The following MFNG variants were observed in gnomAD, a reference collection of about 807,000 sequenced individuals.
The protein encoded by MFNG is beta-1,3-N-acetylglucosaminyltransferase manic fringe.
In MFNG, 24 loss-of-function variants were observed where a neutral mutation model predicts 34.2. That is an observed-to-expected ratio of 0.70 (90% CI 0.51 to 0.99). MFNG has a LOEUF of 0.99. MFNG is among the 50% of genes least tolerant of loss of function. The probability of loss-of-function intolerance (pLI) is 0.00; values close to 1 mark genes in which losing one functional copy is unlikely to be tolerated. For missense variants in MFNG, 383 were observed against 424.0 expected (o/e 0.90, Z 0.85); for synonymous variants, 158 against 179.2 (o/e 0.88, Z 0.94).
chr22:37,475,600 G>C (rs555417658), intron 5 of MFNG, among the ~76,000 whole-genome samples: 1 of 152,114 alleles, frequency 6.6e-6, no homozygotes, highest in South Asian at 2.1e-4. Context: ...TCAACTGGCC[G>C]CGTATACCCC....
In MFNG at chr22:37,473,882, G is replaced by A. The variant is rs182933650; in HGVS notation, c.813+630C>T. Among the ~76,000 whole-genome samples, 555 of 152,302 alleles carry A rather than the reference G, an allele frequency of 3.6e-3. 3 individuals are homozygous for A. Among genetic ancestry groups the A allele is most frequent in the Non-Finnish European group, 5.8e-3 (394 of 68,018 alleles). On this transcript the variant is annotated intron_variant, in intron 6 of 7. Transcript: ENST00000356998. ...GTCACACTGTTGGGCAGGAGATCCC[G>A]GGGACGCTCCCAGCCAGGACCATCT...
intron 4 of MFNG, 54 bp downstream of exon 4, chr22:37,479,291 C>G (rs934605633): frequency 6.7e-7 from 1 of 1,501,970 alleles, no homozygotes; most frequent in African/African-American, 1.4e-5. Context: ...CCAGGACCGG[C>G]CCGGCCCTTG....
chr22:37,473,104 T>C (rs1371046681), intron 6 of MFNG, among the ~76,000 whole-genome samples: 1 of 152,146 alleles, frequency 6.6e-6, no homozygotes, highest in Admixed American at 6.5e-5. Flanking sequence ...GGGATAATGT[T>C]AGTACTGACC....
intron 6 of MFNG, among the ~76,000 whole-genome samples, chr22:37,473,961 T>C (rs1262644591): frequency 6.6e-6 from 1 of 152,224 alleles, no homozygotes; most frequent in African/African-American, 2.4e-5. Context: ...CTGTATCACC[T>C]GCCAGGTGGT....
chr22:37,476,399 T>A (rs1922041570), intron 5 of MFNG, among the ~76,000 whole-genome samples: 1 of 152,074 alleles, frequency 6.6e-6, no homozygotes, highest in African/African-American at 2.4e-5. Flanking sequence ...CTCCCTTAGA[T>A]GGCCCAGTGT....
intron 1 of MFNG, chr22:37,484,347 C>T (rs1173333299): frequency 7.3e-6 from 1 of 136,522 alleles, no homozygotes; most frequent in Admixed American, 7.6e-5. Flanking sequence ...AACTGCGGGC[C>T]GAAAGGGGAG....
chr22:37,480,758 G>A lies in MFNG; in HGVS notation c.267C>T (p.Phe89=), dbSNP rs758646712. ...GGAGGCCTTTGTCTGGGCTGTCGGT[G>A]AAGACAAATGTCTAGGAAGGAGAAG... ...VSRTREQTFV[F]TDSPDKGLQE... is the part of the protein sequence containing the mutation. Residue 89 remains phenylalanine (F), a synonymous_variant, in exon 2 of 8, where the codon TTC becomes TTT. Coordinates refer to ENST00000356998, the MANE Select transcript of MFNG (RefSeq NM_002405.4). 1.4e-5 allele frequency: 22 copies of A among 1,613,498 alleles called. No individual in the cohort carries two copies. The South Asian group carries it at 1.5e-4, about 11-fold the overall frequency.
Position 37,479,376 on chromosome 22 carries a change from T to C in MFNG, c.530A>G (p.His177Arg), listed in dbSNP as rs758431344. The change falls in exon 4 of 8, where the codon CAT becomes CGT. Residue 177 changes from histidine to arginine, a missense_variant. By Grantham distance (29) the His-to-Arg change is conservative. Transcript: ENST00000356998. ...VGRPSLNRPI[H>R]ASEPQPHNRT... ...GTTGTGGGGCTGTGGCTCTGAGGCA[T>C]GGATGGGCCGGTTCAGGCTGGGCCT... 3 of 1,601,204 alleles carry C rather than the reference T, an allele frequency of 1.9e-6. No homozygotes were observed. Among genetic ancestry groups the C allele is most frequent in the East Asian group, 2.3e-5 (1 of 43,848 alleles).
intron 7 of MFNG, 37 bp downstream of exon 7, chr22:37,472,406 C>A (rs776020958): frequency 1.3e-6 from 2 of 1,491,184 alleles, no homozygotes; most frequent in East Asian, 2.5e-5. Flanking sequence ...ACTCAGCCCC[C>A]ACTCCTCCCA....
chr22:37,479,521 G>A (rs1922195020), intron 3 of MFNG, 23 bp from the exon 4 acceptor site: 1 of 1,607,722 alleles, frequency 6.2e-7, no homozygotes, highest in Non-Finnish European at 8.5e-7. Flanking sequence ...AACGGGGACA[G>A]TGAACTTGTT....
intron 4 of MFNG, among the ~76,000 whole-genome samples, chr22:37,478,451 T>C (rs551066466): frequency 6.6e-6 from 1 of 152,306 alleles, no homozygotes; most frequent in East Asian, 1.9e-4. Context: ...CTGGATGTAG[T>C]GGTTTTTCAT....
chr22:37,475,079 A>T (rs750668760), intron 5 of MFNG, among the ~76,000 whole-genome samples: 1 of 152,196 alleles, frequency 6.6e-6, no homozygotes, highest in Non-Finnish European at 1.5e-5. Flanking sequence ...AGCAGCCCCT[A>T]TTCTGGCGGG....
At chr22:37,476,353 G>A (rs1437950296) in intron 5 of MFNG, among the ~76,000 whole-genome samples, 1 of 151,504 alleles carries the variant, frequency 6.6e-6, no homozygotes, top group African/African-American at 2.4e-5. Context: ...AATATCACAG[G>A]ATGTACACCC....
Position 37,486,072 on chromosome 22 carries a change from G to T in MFNG, c.106C>A (p.Gln36Lys). The change falls in exon 1 of 8, where the codon CAA becomes AAA. Residue 36 changes from glutamine (Q) to lysine (K), a missense_variant. Coordinates refer to ENST00000356998, the MANE Select transcript of MFNG (RefSeq NM_002405.4). The stretch of plus-strand genomic sequence containing the variant: ...GGCTGGCTCAGCTCGGGGGTCCCTT[G>T]TACCCGCTGCGGGGACAGGTTCAAG... ...YHLNLSPQRV[Q>K]GTPELSQPNP... The T allele has an allele frequency of 1.2e-6, 2 of 1,613,660 alleles. No homozygotes were observed. The highest frequency in any genetic ancestry group is 2.2e-5 in the East Asian group (1 of 44,858).
chr22:37,472,555 G>T (rs779197326), intron 6 of MFNG, 27 bp from the exon 7 acceptor site: 38 of 1,559,924 alleles, frequency 2.4e-5, no homozygotes, highest in Non-Finnish European at 3.2e-5. Flanking sequence ...AAGAGTGTTG[G>T]GGCATCACAC....
rs540631417 is a variant in MFNG, at chr22:37,485,081, G to A, written c.255+842C>T. On this transcript the variant is annotated intron_variant, in intron 1 of 7. Transcript: ENST00000356998. The surrounding 1 kb of genome is among the most constrained non-coding windows in gnomAD (Gnocchi z 5.3). ...TAAGGAAGATACTGGATGCGAGGAG[G>A]GAAAGGGCTGGAAGGGACTTGGCTC... is the stretch of plus-strand genomic sequence containing the variant. 7.9e-4 allele frequency among the ~76,000 whole-genome samples: 120 copies of A among 152,234 alleles called. No homozygotes were observed. Among genetic ancestry groups the A allele is most frequent in the African/African-American group, 2.7e-3 (112 of 41,546 alleles).
intron 6 of MFNG, among the ~76,000 whole-genome samples, chr22:37,473,263 C>A (rs915514783): frequency 1.3e-5 from 2 of 152,012 alleles, no homozygotes; most frequent in African/African-American, 2.4e-5. Context: ...CATGGTGAAA[C>A]CCTGTCTCTA....
Position 37,473,306 on chromosome 22 carries a change from G to A in MFNG, c.814-778C>T, listed in dbSNP as rs1280801758. Among the ~76,000 whole-genome samples, 4 of 152,068 alleles carry A rather than the reference G, an allele frequency of 2.6e-5. No individual in the cohort carries two copies. The South Asian group carries it at 8.3e-4, about 32-fold the overall frequency. Reference sequence around the variant, plus strand: ...TAGCCAGGCATGGTGGTGGGTGCCTGTAGTCCCAGCTACTCAGGAGGCTGA... The same window carrying A: ...TAGCCAGGCATGGTGGTGGGTGCCTATAGTCCCAGCTACTCAGGAGGCTGA... On this transcript the variant is annotated intron_variant, in intron 6 of 7. Transcript: ENST00000356998.
At position 37,486,375 on chromosome 22, in the gene MFNG, T is replaced by C. The variant is rs1922560120; in HGVS notation, c.-198A>G. 2.1e-6 allele frequency: 1 copy of C among 477,030 alleles called. No individual in the cohort carries two copies. The highest frequency in any genetic ancestry group is 7.5e-5 in the South Asian group (1 of 13,406). 29.5% of individuals were successfully genotyped at this position (477,030 alleles called of 1,614,324 possible). On this transcript the variant is annotated 5_prime_UTR_variant, in exon 1 of 8. Coordinates refer to ENST00000356998, the MANE Select transcript of MFNG (RefSeq NM_002405.4). ...GCACGATCTCGACCGCCGCCAGTCC[T>C]CCACCTGCTCCCGCTGTCCGGCCTG...
Sources: gnomAD v4.1 joint callset for allele counts (sites outside exome capture counted in the v4.1 genomes callset) on GRCh38, gnomAD v4.1.1 for gene constraint, Gnocchi (gnomAD v3.1) non-coding constraint, MANE v1.5 for transcripts, NCBI Gene and HGNC (gene_info 2026-07-23, HGNC 2026-07-21) for gene names.